RGS6: variants seen among roughly 807,000 people sequenced by gnomAD.
RGS6 encodes regulator of G protein signaling 6.
A neutral mutation model predicts 78.5 loss-of-function variants in RGS6; 30 were observed. That is an observed-to-expected ratio of 0.38 (90% confidence interval 0.29 to 0.52). The LOEUF (loss-of-function observed/expected upper bound fraction) is 0.52. Among genes scored for constraint, RGS6 ranks in the 20% least tolerant of loss-of-function variants. The pLI is 0.85. For synonymous variants in RGS6, 206 were observed against 206.0 expected, an observed-to-expected ratio of 1.00 and a Z score of 0.00; for missense variants, 495 against 609.7, an observed-to-expected ratio of 0.81 and a Z score of 1.98.
At chr14:72,460,143 CAG>C (rs1287933785) in intron 6 of RGS6, among the ~76,000 whole-genome samples, 3 of 152,160 alleles carry the variant, frequency 2.0e-5, no homozygotes, top group Non-Finnish European at 4.4e-5. Flanking sequence ...AGAAAAGAGA[CAG>C]AGACCAGGGA....
intron 11 of RGS6, among the ~76,000 whole-genome samples, chr14:72,477,939 G>A (rs2096279503): frequency 6.6e-6 from 1 of 152,192 alleles, no homozygotes; most frequent in Non-Finnish European, 1.5e-5. Flanking sequence ...GTTCAAAACA[G>A]GTATTTATGG....
At chr14:72,542,826 T>C (rs190282974) in intron 17 of RGS6, among the ~76,000 whole-genome samples, 3 of 152,314 alleles carry the variant, frequency 2.0e-5, no homozygotes, top group East Asian at 1.9e-4. Flanking sequence ...CCAAGTCTTA[T>C]GTTGTGCCAT....
In RGS6 at chr14:72,186,609, T is replaced by C. The variant is rs544841422; in HGVS notation, c.85-165486T>C. ...ATTCCAGATGACTGACGCCTTTTAC[T>C]GGGGACAATTTGACCTGATTCTAAC... On this transcript the variant is annotated intron_variant, in intron 2 of 17. Transcript: ENST00000553525. 2.0e-4 allele frequency among the ~76,000 whole-genome samples: 31 copies of C among 152,322 alleles called. No homozygotes were observed. The East Asian group carries it at 5.8e-3, about 28-fold the overall frequency.
chr14:71,869,573 A>G, the RGS6 span, among the ~76,000 whole-genome samples: 1 of 152,372 alleles, frequency 6.6e-6, no homozygotes, highest in Admixed American at 6.5e-5. Context: ...AAAATGACTT[A>G]TCCTTCAGTG....
chr14:72,147,512 AC>A (rs1478461677), intron 2 of RGS6, among the ~76,000 whole-genome samples: 1 of 152,244 alleles, frequency 6.6e-6, no homozygotes, highest in Non-Finnish European at 1.5e-5. Flanking sequence ...TGCAATAATG[AC>A]ATTAATCTAT....
At chr14:72,077,597 A>G (rs968547731) in intron 2 of RGS6, among the ~76,000 whole-genome samples, 4 of 152,134 alleles carry the variant, frequency 2.6e-5, no homozygotes, top group Admixed American at 1.3e-4. Context: ...TTCTATTTTG[A>G]AGCCCTTTAA....
intron 17 of RGS6, among the ~76,000 whole-genome samples, chr14:72,551,486 A>G (rs1599052748): frequency 1.3e-5 from 2 of 152,276 alleles, no homozygotes; most frequent in South Asian, 2.1e-4. Context: ...CTGGAGTTAA[A>G]TGTCAAAAAC....
chr14:72,505,087 T>C (rs938564444), intron 13 of RGS6, among the ~76,000 whole-genome samples: 3 of 152,008 alleles, frequency 2.0e-5, no homozygotes, highest in Admixed American at 1.3e-4. Context: ...ATTTAGGCTT[T>C]TGCTGACATA....
intron 2 of RGS6, among the ~76,000 whole-genome samples, chr14:72,122,741 T>G (rs12588210): frequency 0.46 from 50,954 of 110,322 alleles, 9,084 homozygotes; most frequent in Admixed American, 0.5. Context: ...TAAGTTATCG[T>G]TTTTTTTTTT....
At chr14:72,134,057 A>G (rs780666756) in intron 2 of RGS6, among the ~76,000 whole-genome samples, 1 of 152,220 alleles carries the variant, frequency 6.6e-6, no homozygotes, top group Non-Finnish European at 1.5e-5. Context: ...AATGAAGCCT[A>G]CTTGGCATCC....
intron 2 of RGS6, among the ~76,000 whole-genome samples, chr14:72,281,122 A>C (rs2061494095): frequency 6.6e-6 from 1 of 151,984 alleles, no homozygotes; most frequent in African/African-American, 2.4e-5. Context: ...GCAAGCTAAA[A>C]AGTGAGAAGT....
chr14:72,058,172 C>A (rs2093712672), intron 2 of RGS6, among the ~76,000 whole-genome samples: 1 of 152,064 alleles, frequency 6.6e-6, no homozygotes. Context: ...CCAGCTTCCC[C>A]AGATGTGCTG....
chr14:72,459,669 A>C lies in RGS6; in HGVS notation c.380A>C (p.Glu127Ala). ...TGGCCTTCGAACTGCTGGGAACCTG[A>C]AAACACTGACTATGGTGAGAACTGA... ...YFWPSNCWEP[E>A]NTDYAIYLCK... Residue 127 changes from glutamate to alanine, a missense_variant, in exon 6 of 18, where the codon GAA (glutamate) becomes GCA (alanine). By Grantham distance (107) the Glu-to-Ala change is moderately radical. Transcript: ENST00000553525. The C allele has an allele frequency of 6.2e-7, 1 of 1,614,140 alleles. No homozygotes were observed. The highest frequency in any genetic ancestry group is 8.5e-7 in the Non-Finnish European group (1 of 1,180,016).
chr14:72,122,629 G>A (rs1428571309), intron 2 of RGS6, among the ~76,000 whole-genome samples: 1 of 151,940 alleles, frequency 6.6e-6, no homozygotes, highest in Admixed American at 6.6e-5. Context: ...TTGGTCCAGG[G>A]CTTAGATTCT....
intron 2 of RGS6, among the ~76,000 whole-genome samples, chr14:72,276,328 C>T (rs2060661303): frequency 6.6e-6 from 1 of 151,942 alleles, no homozygotes; most frequent in South Asian, 2.1e-4. Context: ...GCAATGTAGC[C>T]CCCTAAGGGA....
In RGS6 at chr14:72,352,103, C is replaced by A; in HGVS notation, c.93C>A (p.Asp31Glu). ...PNMIVYCKIE[D>E]IITKMQDDKT... is the part of the protein sequence containing the mutation. Reference sequence around the variant, plus strand: ...TCTTTAACCTCTTTCAGATTGAAGACATCATTACAAAGATGCAAGATGACA... The same window carrying A: ...TCTTTAACCTCTTTCAGATTGAAGAAATCATTACAAAGATGCAAGATGACA... Residue 31 changes from aspartate to glutamate, a missense_variant, in exon 3 of 18, where the codon GAC becomes GAA. Physicochemically the swap from Asp to Glu is conservative, Grantham distance 45 (BLOSUM62 2). Coordinates refer to ENST00000553525, the MANE Select transcript of RGS6 (RefSeq NM_001204424.2). 1 of 1,610,994 alleles carries A rather than the reference C, an allele frequency of 6.2e-7. No individual in the cohort carries two copies. Among genetic ancestry groups the A allele is most frequent in the Non-Finnish European group, 8.5e-7 (1 of 1,178,304 alleles).
At chr14:71,879,928 G>A in the RGS6 span, among the ~76,000 whole-genome samples, 1 of 152,192 alleles carries the variant, frequency 6.6e-6, no homozygotes, top group Non-Finnish European at 1.5e-5. Flanking sequence ...AAGAAGACAG[G>A]AAAAAGGGGG....
the RGS6 span, chr14:72,612,358 C>T: frequency 2.2e-6 from 1 of 451,148 alleles, no homozygotes; most frequent in Non-Finnish European, 4.4e-6. Flanking sequence ...ACCTGCTCCC[C>T]ACCTCCTCTG....
chr14:72,613,444 C>T, the RGS6 span, among the ~76,000 whole-genome samples: 2 of 152,210 alleles, frequency 1.3e-5, no homozygotes, highest in African/African-American at 4.8e-5. Context: ...GGAAATGTCG[C>T]CATCAGCAAA....
Sources: allele counts gnomAD v4.1 joint callset (sites outside exome capture counted in the v4.1 genomes callset), GRCh38; gene constraint gnomAD v4.1.1; transcripts MANE v1.5; gene names NCBI Gene and HGNC (gene_info 2026-07-23, HGNC 2026-07-21).